TRPM3: variants seen among roughly 807,000 people sequenced by gnomAD.
The protein encoded by TRPM3 is long transient receptor potential channel 3.
Under a neutral mutation model 181.2 loss-of-function variants are expected in TRPM3, and 77 were observed. The ratio of observed to expected loss-of-function variants is 0.42; its 90% CI spans 0.35 to 0.51. The LOEUF (loss-of-function observed/expected upper bound fraction) is 0.51. TRPM3 is among the 20% of genes least tolerant of loss of function. TRPM3 has a pLI of 0.01. For synonymous variants in TRPM3, 745 were observed against 796.4 expected, an observed-to-expected ratio of 0.94 and a Z score of 1.09; for missense variants, 1,759 against 2,196.7, an observed-to-expected ratio of 0.80 and a Z score of 3.98.
intron 1 of TRPM3, among the ~76,000 whole-genome samples, chr9:71,253,189 A>G (rs1186874542): frequency 1.3e-5 from 2 of 152,200 alleles, no homozygotes; most frequent in African/African-American, 2.4e-5. Flanking sequence ...TTTCTCACAG[A>G]TGATTCATTG....
At chr9:71,191,967 A>G (rs12340795) in intron 1 of TRPM3, among the ~76,000 whole-genome samples, 395 of 151,882 alleles carry the variant, frequency 2.6e-3, no homozygotes, top group African/African-American at 8.7e-3. Context: ...ATAGCACTAA[A>G]TGGAACATTC....
chr9:71,201,763 C>G (rs139189403), intron 1 of TRPM3, among the ~76,000 whole-genome samples: 1,705 of 152,106 alleles, frequency 0.011, 28 homozygotes, highest in African/African-American at 0.039. Flanking sequence ...ACTTCTTTGC[C>G]TTTGGTTTGA....
At chr9:71,279,037 A>AAAAAG (rs1398695083) in intron 1 of TRPM3, among the ~76,000 whole-genome samples, 9 of 95,648 alleles carry the variant, frequency 9.4e-5, no homozygotes, top group Non-Finnish European at 4.5e-5. Context: ...GCTTAGGTTA[A>AAAAAG]AAAAAATAAA....
rs2064375080 is a variant in TRPM3, at chr9:70,625,351, C to G, written c.1669-20G>C. On this transcript the variant is annotated intron_variant, in intron 13 of 25. Coordinates refer to ENST00000677713, the MANE Select transcript of TRPM3 (RefSeq NM_001366145.2). This position sits in a 1 kb window ranked among gnomAD's most constrained non-coding sequence, Gnocchi z 4.8. The stretch of plus-strand genomic sequence containing the variant: ...GTTCCCCTATCAGGGTAGAATGAAA[C>G]AAACAGACAAATCCAAAAGACAACG... 1.2e-6 allele frequency: 2 copies of G among 1,613,282 alleles called. No homozygotes were observed. Among genetic ancestry groups the G allele is most frequent in the East Asian group, 4.5e-5 (2 of 44,868 alleles).
chr9:70,607,719 T>C (rs574987313), intron 19 of TRPM3, among the ~76,000 whole-genome samples: 1 of 152,346 alleles, frequency 6.6e-6, no homozygotes, highest in South Asian at 2.1e-4. Context: ...TTTGCATTTC[T>C]AACAAAACTC....
intron 8 of TRPM3, among the ~76,000 whole-genome samples, chr9:70,752,058 G>GCA (rs1432885087): frequency 1.4e-5 from 2 of 146,954 alleles, no homozygotes; most frequent in African/African-American, 5.0e-5. Context: ...GTGCGCGCGC[G>GCA]CGCGCATACA....
chr9:71,088,657 T>C (rs758044766), intron 1 of TRPM3, among the ~76,000 whole-genome samples: 7 of 152,092 alleles, frequency 4.6e-5, no homozygotes, highest in Non-Finnish European at 7.4e-5. Context: ...AGAAACAGAA[T>C]TTCAAAAGCG....
At chr9:70,798,527 C>T (rs542583652) in intron 6 of TRPM3, among the ~76,000 whole-genome samples, 5 of 152,192 alleles carry the variant, frequency 3.3e-5, no homozygotes, top group African/African-American at 1.2e-4. Flanking sequence ...TTGTATTCTG[C>T]CTTGCTTTAA....
At chr9:70,644,157 C>G (rs895060393) in intron 9 of TRPM3, among the ~76,000 whole-genome samples, 1 of 152,184 alleles carries the variant, frequency 6.6e-6, no homozygotes, top group African/African-American at 2.4e-5. Flanking sequence ...TAAGGTCAAC[C>G]TCTTCACAGA....
intron 1 of TRPM3, among the ~76,000 whole-genome samples, chr9:70,961,606 C>T (rs1407346848): frequency 6.6e-6 from 1 of 152,150 alleles, no homozygotes; most frequent in Non-Finnish European, 1.5e-5. Flanking sequence ...TAGATGTCCT[C>T]TTACTCATAG....
In TRPM3 at chr9:71,059,011, ATT is replaced by A. The variant is rs1162577364; in HGVS notation, c.177+62165_177+62166del. ...ATTTCTCTGAAGTTTTTGTTTGTTCATTTTTTTTTTTTTTTTTTTTTTTTTTT... is the reference window on the plus strand; with the variant it reads ...ATTTCTCTGAAGTTTTTGTTTGTTCATTTTTTTTTTTTTTTTTTTTTTTTT... On this transcript the variant is annotated intron_variant, in intron 1 of 25. Coordinates refer to ENST00000677713, the MANE Select transcript of TRPM3 (RefSeq NM_001366145.2). Among the ~76,000 whole-genome samples, 115 of 52,628 alleles carry A rather than the reference ATT, an allele frequency of 2.2e-3. 2 individuals are homozygous for A. In the East Asian group the frequency reaches 0.068, roughly 31 times the overall value. The allele number at this position is 52,628 out of a possible 152,430, so 34.5% of individuals were successfully genotyped here.
intron 8 of TRPM3, among the ~76,000 whole-genome samples, chr9:70,688,419 C>G (rs531318313): frequency 5.0e-4 from 76 of 152,216 alleles, no homozygotes; most frequent in African/African-American, 1.8e-3. Flanking sequence ...GTACATTGTA[C>G]CCAATATTGT....
At chr9:71,404,380 T>A (rs909636276) in intron 1 of TRPM3, among the ~76,000 whole-genome samples, 1 of 152,216 alleles carries the variant, frequency 6.6e-6, no homozygotes. Context: ...CTGAACAACA[T>A]AGTATAACAT....
intron 1 of TRPM3, among the ~76,000 whole-genome samples, chr9:70,944,274 C>T (rs368123697): frequency 2.0e-5 from 3 of 152,042 alleles, no homozygotes; most frequent in African/African-American, 4.8e-5. Flanking sequence ...TGAACAATCC[C>T]GCTTCCAATA....
At chr9:71,090,181 G>A (rs1035486682) in intron 1 of TRPM3, among the ~76,000 whole-genome samples, 1 of 152,018 alleles carries the variant, frequency 6.6e-6, no homozygotes, top group Non-Finnish European at 1.5e-5. Flanking sequence ...TACCTTGATG[G>A]TGAGGGGATT....
At chr9:71,421,380 A>G (rs2131549684) in intron 1 of TRPM3, among the ~76,000 whole-genome samples, 1 of 152,052 alleles carries the variant, frequency 6.6e-6, no homozygotes, top group East Asian at 1.9e-4. Flanking sequence ...ATTTAAAAAA[A>G]AAGGAAGAAA....
intron 1 of TRPM3, among the ~76,000 whole-genome samples, chr9:71,046,455 T>C (rs967120067): frequency 1.3e-5 from 2 of 152,198 alleles, no homozygotes; most frequent in South Asian, 2.1e-4. Context: ...ATCTTGTAAA[T>C]GGAAGAAATA....
chr9:71,442,831 A>G (rs940564473), intron 1 of TRPM3, among the ~76,000 whole-genome samples: 12 of 152,250 alleles, frequency 7.9e-5, no homozygotes, highest in Non-Finnish European at 1.5e-4. Context: ...ACCTTTCAAT[A>G]GATTTCCATG....
intron 8 of TRPM3, among the ~76,000 whole-genome samples, chr9:70,698,189 C>G (rs1344949458): frequency 7.1e-6 from 1 of 141,604 alleles, no homozygotes; most frequent in African/African-American, 2.6e-5. Context: ...GCTTGGGTGA[C>G]AGAGCGAGAC....
Sources: allele counts gnomAD v4.1 joint callset (sites outside exome capture counted in the v4.1 genomes callset), GRCh38; gene constraint gnomAD v4.1.1; non-coding constraint Gnocchi (gnomAD v3.1); transcripts MANE v1.5; gene names NCBI Gene and HGNC (gene_info 2026-07-23, HGNC 2026-07-21).